PLCB1: variants seen among roughly 807,000 people sequenced by gnomAD.
The protein encoded by PLCB1 is phospholipase C beta 1.
PLCB1 carries 46 observed loss-of-function variants against 161.8 expected under a neutral mutation model. The ratio of observed to expected loss-of-function variants is 0.28; its 90% CI spans 0.22 to 0.36. The LOEUF (loss-of-function observed/expected upper bound fraction) is 0.36, where lower values mean the gene tolerates loss of function less well. PLCB1 is among the 10% of genes least tolerant of loss of function. The pLI, the probability that PLCB1 is intolerant of heterozygous loss-of-function variation, is 1.00. For synonymous variants in PLCB1, 517 were observed against 503.7 expected (o/e 1.03, Z -0.35); for missense variants, 1,016 against 1,472.5 (o/e 0.69, Z 5.07).
chr20:8,671,143 A>G (rs1989932602), intron 9 of PLCB1, among the ~76,000 whole-genome samples: 1 of 152,210 alleles, frequency 6.6e-6, no homozygotes, highest in Non-Finnish European at 1.5e-5. Flanking sequence ...AAGCTGGCAG[A>G]CACATTGTCC....
rs144310914 is a variant in PLCB1 at position 8,364,141 on chromosome 20, G to A, written c.178-7241G>A. Among the ~76,000 whole-genome samples, 1,347 of 151,960 alleles carry A rather than the reference G, an allele frequency of 8.9e-3. 20 individuals are homozygous for A. Among genetic ancestry groups the A allele is most frequent in the African/African-American group, 0.03 (1,225 of 41,470 alleles). ...GAGATTGTCTGGGTTTTTTTGGTTC[G>A]GTATCTTCCTGTATACTGACCTTGG... On this transcript the variant is annotated intron_variant, in intron 2 of 31. Transcript: ENST00000338037.
intron 2 of PLCB1, among the ~76,000 whole-genome samples, chr20:8,305,361 C>A (rs937970864): frequency 2.6e-5 from 4 of 152,266 alleles, no homozygotes; most frequent in East Asian, 1.9e-4. Context: ...GCAATTAAAA[C>A]CACATGAGAC....
At chr20:8,378,906 C>T (rs1475938753) in intron 3 of PLCB1, among the ~76,000 whole-genome samples, 1 of 152,158 alleles carries the variant, frequency 6.6e-6, no homozygotes, top group Non-Finnish European at 1.5e-5. Flanking sequence ...ACTTTCTTTG[C>T]TCATTCATAA....
chr20:8,265,144 T>A (rs1205740204), intron 2 of PLCB1, among the ~76,000 whole-genome samples: 1 of 152,202 alleles, frequency 6.6e-6, no homozygotes, highest in African/African-American at 2.4e-5. Context: ...GACTTAATCC[T>A]ACCTCTACCA....
chr20:8,264,750 T>A (rs997264143), intron 2 of PLCB1, among the ~76,000 whole-genome samples: 1 of 152,166 alleles, frequency 6.6e-6, no homozygotes, highest in Non-Finnish European at 1.5e-5. Flanking sequence ...CACACACATA[T>A]GTTCATCTCT....
chr20:8,591,072 C>T (rs1987136847), intron 3 of PLCB1, among the ~76,000 whole-genome samples: 3 of 151,990 alleles, frequency 2.0e-5, no homozygotes, highest in African/African-American at 4.8e-5. Flanking sequence ...GAACATGAGG[C>T]GTTTGGTTTT....
chr20:8,143,417 A>T (rs2051423444), intron 1 of PLCB1, among the ~76,000 whole-genome samples: 1 of 152,338 alleles, frequency 6.6e-6, no homozygotes, highest in South Asian at 2.1e-4. Context: ...TTCACCAGTC[A>T]TACTTTAAAA....
intron 3 of PLCB1, among the ~76,000 whole-genome samples, chr20:8,472,848 C>G (rs529073099): frequency 6.6e-6 from 1 of 152,154 alleles, no homozygotes; most frequent in East Asian, 1.9e-4. Flanking sequence ...AAAGATAAAC[C>G]CCCACATCTC....
At chr20:8,531,003 A>G (rs1053726507) in intron 3 of PLCB1, among the ~76,000 whole-genome samples, 1 of 151,998 alleles carries the variant, frequency 6.6e-6, no homozygotes, top group African/African-American at 2.4e-5. Flanking sequence ...GGACATTTTT[A>G]TTAGGTGACA....
rs1053522531 is a variant in PLCB1 at position 8,287,901 on chromosome 20, CAAG to C, written c.178-83473_178-83471del. ...AGAGAAAGATTTTAGATGTCTTCAT[CAAG>C]AAGAAGACAAAGATGTGTGTTGGAC... On this transcript the variant is annotated intron_variant, in intron 2 of 31. Transcript: ENST00000338037. Among the ~76,000 whole-genome samples the C allele has an allele frequency of 7.8e-4, 118 of 152,212 alleles. 2 individuals carry two copies. The highest frequency in any genetic ancestry group is 2.7e-3 in the African/African-American group (112 of 41,530).
intron 2 of PLCB1, among the ~76,000 whole-genome samples, chr20:8,280,969 C>A (rs898929961): frequency 6.6e-6 from 1 of 152,224 alleles, no homozygotes; most frequent in Non-Finnish European, 1.5e-5. Flanking sequence ...GAAGATTAAA[C>A]TTCCATGTTG....
intron 3 of PLCB1, among the ~76,000 whole-genome samples, chr20:8,565,164 A>G (rs1352052510): frequency 2.0e-5 from 3 of 152,218 alleles, no homozygotes; most frequent in Non-Finnish European, 4.4e-5. Flanking sequence ...GCCATAAAAA[A>G]GGATGAGTTC....
Position 8,770,912 on chromosome 20 carries a change from G to T in PLCB1, c.2931-3627G>T, listed in dbSNP as rs76365078. ...TATTTTCCTTTCACTGTACATATTT[G>T]TTTATTCATTTTTGTATTTACTTGT... is the stretch of plus-strand genomic sequence containing the variant. On this transcript the variant is annotated intron_variant, in intron 26 of 31. Coordinates refer to ENST00000338037, the MANE Select transcript of PLCB1 (RefSeq NM_015192.4). Among the ~76,000 whole-genome samples, 827 of 152,086 alleles carry T rather than the reference G, an allele frequency of 5.4e-3. 6 individuals carry two copies. The highest frequency in any genetic ancestry group is 0.019 in the African/African-American group (795 of 41,476).
chr20:8,276,245 CT>C (rs1337005414), intron 2 of PLCB1, among the ~76,000 whole-genome samples: 3 of 152,194 alleles, frequency 2.0e-5, no homozygotes, highest in Non-Finnish European at 2.9e-5. Context: ...AGATCAACAT[CT>C]CCAGTTAAAA....
At chr20:8,695,715 T>A (rs550968879) in intron 10 of PLCB1, among the ~76,000 whole-genome samples, 5 of 152,156 alleles carry the variant, frequency 3.3e-5, no homozygotes, top group East Asian at 1.9e-4. Context: ...GAAAAACTTT[T>A]AAAAAAATGA....
intron 31 of PLCB1, among the ~76,000 whole-genome samples, chr20:8,795,602 G>T (rs983829982): frequency 1.3e-5 from 2 of 152,194 alleles, no homozygotes; most frequent in African/African-American, 4.8e-5. Context: ...CAAGATGGAC[G>T]CAGTAAACAC....
chr20:8,495,341 T>C (rs1436823846), intron 3 of PLCB1, among the ~76,000 whole-genome samples: 1 of 151,780 alleles, frequency 6.6e-6, no homozygotes, highest in African/African-American at 2.4e-5. Flanking sequence ...TCAGACTCTG[T>C]ACTTTGAGTT....
In PLCB1 at chr20:8,378,965, AT is replaced by A. The variant is rs373132722; in HGVS notation, c.246+7519del. 5.4e-3 allele frequency among the ~76,000 whole-genome samples: 822 copies of A among 152,040 alleles called. 11 individuals carry two copies. The highest frequency in any genetic ancestry group is 0.019 in the African/African-American group (779 of 41,460). ...TTTTATTTATTTATTTTTACTTCTT[AT>A]TTTGTTTTATGTTTTTAATTTTACT... On this transcript the variant is annotated intron_variant, in intron 3 of 31. Transcript: ENST00000338037.
rs190843774 is a variant in PLCB1, at chr20:8,619,868, C to T, written c.247-8426C>T. On this transcript the variant is annotated intron_variant, in intron 3 of 31. Coordinates refer to ENST00000338037, the MANE Select transcript of PLCB1 (RefSeq NM_015192.4). ...TGTGCACACAAATATACATACTGAT[C>T]GACAAATCTCAAAGTAAGTAAATGG... Among the ~76,000 whole-genome samples, 11 of 152,228 alleles carry T rather than the reference C, an allele frequency of 7.2e-5. No homozygotes were observed. The East Asian group carries it at 1.5e-3, about 21-fold the overall frequency.
Sources: gnomAD v4.1 joint callset for allele counts (sites outside exome capture counted in the v4.1 genomes callset) on GRCh38, gnomAD v4.1.1 for gene constraint, MANE v1.5 for transcripts, NCBI Gene and HGNC (gene_info 2026-07-23, HGNC 2026-07-21) for gene names.